IL1RL1: variants seen among roughly 807,000 people sequenced by gnomAD.
IL1RL1 encodes the protein interleukin-1 receptor-like 1.
Under a neutral mutation model 50.9 loss-of-function variants are expected in IL1RL1, and 32 were observed. The observed-to-expected ratio is 0.63, with a 90% CI of 0.47 to 0.84. The LOEUF is 0.84. Ranked by LOEUF, IL1RL1 falls within the 40% of genes least tolerant of loss-of-function variation. The pLI, the probability that IL1RL1 is intolerant of heterozygous loss-of-function variation, is 0.00. For synonymous variants in IL1RL1, 275 were observed against 236.0 expected (o/e 1.17, Z -1.51); for missense variants, 773 against 662.9 (o/e 1.17, Z -1.82).
intron 8 of IL1RL1, chr2:102,344,238 T>A (rs1373757777): frequency 1.2e-5 from 2 of 166,912 alleles, no homozygotes; most frequent in African/African-American, 2.4e-5. Context: ...CCATTCATGA[T>A]GAACTCACCC....
chr2:102,341,053 C>A, intron 5 of IL1RL1: 1 of 670,450 alleles, frequency 1.5e-6, no homozygotes, highest in Non-Finnish European at 2.2e-6. Context: ...TTCAAAGCCA[C>A]ATCTGTTCTT....
Position 102,338,223 on chromosome 2 carries a change from C to T in IL1RL1, c.-42C>T, listed in dbSNP as rs779002450. On this transcript the variant is annotated 5_prime_UTR_variant, in exon 2 of 11. Transcript: ENST00000233954. The stretch of plus-strand genomic sequence containing the variant: ...GCCAGTGACTCATCTGGAGTAATCT[C>T]AACAACGAGTTACCAATACTTGCTC... The T allele has an allele frequency of 1.5e-4, 218 of 1,415,550 alleles. No individual in the cohort carries two copies. Among genetic ancestry groups the T allele is most frequent in the Non-Finnish European group, 2.0e-4 (201 of 1,003,572 alleles). The allele number at this position is 1,415,550 out of a possible 1,614,324, so 87.7% of individuals were successfully genotyped here. A position where few individuals can be genotyped will look rare whatever the true frequency, so the allele number is the denominator to read the frequency against.
At chr2:102,311,891 AATATATCATATATGTTATATATTTTAT>A (rs1676491905) in intron 1 of IL1RL1, among the ~76,000 whole-genome samples, 1 of 35,214 alleles carries the variant, frequency 2.8e-5, no homozygotes. Flanking sequence ...TATAATATAT[AATATATCATATATGTTATATATTTTAT>A]TATATAATAT....
At chr2:102,316,755 A>G (rs1452006873) in intron 1 of IL1RL1, among the ~76,000 whole-genome samples, 3 of 152,190 alleles carry the variant, frequency 2.0e-5, no homozygotes, top group Non-Finnish European at 4.4e-5. Context: ...ACTATTTATT[A>G]GTAGTAGATA....
chr2:102,335,335 C>G (rs1227845815), intron 1 of IL1RL1, among the ~76,000 whole-genome samples: 2 of 152,102 alleles, frequency 1.3e-5, no homozygotes, highest in Admixed American at 1.3e-4. Context: ...AAAAGCTTTA[C>G]CAGCCTAATC....
rs373778810 is a variant in IL1RL1 at position 102,351,841 on chromosome 2, G to C, written c.1591G>C (p.Val531Leu). The change falls in exon 11 of 11, where the codon GTG (valine) becomes CTG (leucine). Residue 531 changes from valine (V) to leucine (L), a missense_variant. Transcript: ENST00000233954. ...CCTGAATTCTAAATTCTGGAAGCAC[G>C]TGAGGTACCAAATGCCTGTGCCAAG... Reference protein sequence around the residue: ...RSLNSKFWKHVRYQMPVPSKI... With the variant: ...RSLNSKFWKHLRYQMPVPSKI... The C allele has an allele frequency of 1.9e-6, 3 of 1,613,808 alleles. No individual in the cohort carries two copies. Among genetic ancestry groups the C allele is most frequent in the African/African-American group, 1.3e-5 (1 of 74,894 alleles).
intron 1 of IL1RL1, among the ~76,000 whole-genome samples, chr2:102,322,830 T>C (rs1676873534): frequency 6.6e-6 from 1 of 152,214 alleles, no homozygotes; most frequent in African/African-American, 2.4e-5. Context: ...ACATACTCTC[T>C]AGTTTCCAGC....
At chr2:102,316,633 A>G (rs1676681740) in intron 1 of IL1RL1, among the ~76,000 whole-genome samples, 1 of 152,210 alleles carries the variant, frequency 6.6e-6, no homozygotes, top group African/African-American at 2.4e-5. Context: ...AACCAAAAGT[A>G]TTTCAGAATT....
intron 1 of IL1RL1, among the ~76,000 whole-genome samples, chr2:102,311,891 A>AAT (rs202156095): frequency 0.084 from 2,963 of 35,206 alleles, 717 homozygotes; most frequent in African/African-American, 0.32. Context: ...TATAATATAT[A>AAT]ATATATCATA....
intron 1 of IL1RL1, among the ~76,000 whole-genome samples, chr2:102,320,475 C>A (rs1440117466): frequency 6.6e-6 from 1 of 152,102 alleles, no homozygotes; most frequent in Non-Finnish European, 1.5e-5. Context: ...TGACATATCC[C>A]AAATTTGTAT....
chr2:102,331,397 C>T (rs1231781238), intron 1 of IL1RL1, among the ~76,000 whole-genome samples: 1 of 152,242 alleles, frequency 6.6e-6, no homozygotes, highest in Non-Finnish European at 1.5e-5. Context: ...TGAGAAATTA[C>T]ACAATGGTCT....
At chr2:102,344,313 A>G (rs1253933010) in intron 8 of IL1RL1, 1 of 589,732 alleles carries the variant, frequency 1.7e-6, no homozygotes, top group Non-Finnish European at 2.1e-6. Flanking sequence ...TCAGCATGAG[A>G]TTTGGGCAGG....
At chr2:102,341,448 A>G in intron 5 of IL1RL1, 1 of 633,312 alleles carries the variant, frequency 1.6e-6, no homozygotes, top group Non-Finnish European at 2.1e-6. Flanking sequence ...ATCATAGCTT[A>G]TCAATCTACA....
In IL1RL1 at chr2:102,331,054, T is replaced by C. The variant is rs541332851; in HGVS notation, c.-149-7062T>C. Among the ~76,000 whole-genome samples, 19 of 152,364 alleles carry C rather than the reference T, an allele frequency of 1.2e-4. No individual in the cohort carries two copies. The South Asian group carries it at 3.9e-3, about 32-fold the overall frequency. On this transcript the variant is annotated intron_variant, in intron 1 of 10. Coordinates refer to ENST00000233954, the MANE Select transcript of IL1RL1 (RefSeq NM_016232.5). ...TTTAATCAAACATCAATTTACTATA[T>C]ATTTTTGAGTCTACTTCTGGACTCT...
intron 5 of IL1RL1, 126 bp downstream of exon 5, chr2:102,340,954 A>G: frequency 1.3e-6 from 1 of 758,978 alleles, no homozygotes; most frequent in Non-Finnish European, 2.0e-6. Context: ...GCTCCATCTT[A>G]TCTTATACAT....
chr2:102,333,521 AGTTCT>A (rs1383115692), intron 1 of IL1RL1, among the ~76,000 whole-genome samples: 1 of 152,226 alleles, frequency 6.6e-6, no homozygotes, highest in Non-Finnish European at 1.5e-5. Context: ...GGAGATCAGA[AGTTCT>A]GTTCTGGAGA....
Position 102,338,909 on chromosome 2 carries a change from C to A in IL1RL1, c.134C>A (p.Thr45Asn), listed in dbSNP as rs572486682. The A allele has an allele frequency of 1.9e-5, 30 of 1,613,768 alleles. No homozygotes were observed. The South Asian group carries it at 3.1e-4, about 17-fold the overall frequency. ...RCPRQGKPSYTVDWYYSQTNK... is the reference protein window; with the variant it reads ...RCPRQGKPSYNVDWYYSQTNK... Reference sequence around the variant, plus strand: ...CCTAGACAAGGAAAACCTAGTTACACCGTGGATTGGTATTACTCACAAACA... The same window carrying A: ...CCTAGACAAGGAAAACCTAGTTACAACGTGGATTGGTATTACTCACAAACA... Residue 45 changes from threonine to asparagine, a missense_variant, in exon 3 of 11, where the codon ACC (threonine) becomes AAC (asparagine). Physicochemically the swap from Thr to Asn is moderately conservative, Grantham distance 65. Transcript: ENST00000233954.
At chr2:102,324,681 C>A (rs1353544699) in intron 1 of IL1RL1, among the ~76,000 whole-genome samples, 1 of 152,228 alleles carries the variant, frequency 6.6e-6, no homozygotes, top group African/African-American at 2.4e-5. Flanking sequence ...ATGGTCTTAG[C>A]AAATGGCACA....
chr2:102,339,742 T>C (rs923299815), intron 3 of IL1RL1, among the ~76,000 whole-genome samples: 3 of 152,150 alleles, frequency 2.0e-5, no homozygotes, highest in African/African-American at 7.2e-5. Context: ...ATTGTGAAAA[T>C]AAACTAAGGT....
Sources: gnomAD v4.1 joint callset for allele counts (sites outside exome capture counted in the v4.1 genomes callset) on GRCh38, gnomAD v4.1.1 for gene constraint, MANE v1.5 for transcripts, NCBI Gene and HGNC (gene_info 2026-07-23, HGNC 2026-07-21) for gene names.